C6: variants seen among roughly 807,000 people sequenced by gnomAD.
C6 encodes complement component C6.
C6 carries 101 observed loss-of-function variants against 112.9 expected under a neutral mutation model. That is an observed-to-expected ratio of 0.89 (90% CI 0.76 to 1.06). The LOEUF (loss-of-function observed/expected upper bound fraction) is 1.06, where lower values mean the gene tolerates loss of function less well. C6 is among the 50% of genes least tolerant of loss of function. The probability of loss-of-function intolerance (pLI) is 0.00; values close to 1 mark genes in which losing one functional copy is unlikely to be tolerated. For missense variants in C6, 1,202 were observed against 1,104.6 expected (o/e 1.09, Z -1.25); for synonymous variants, 431 against 384.1 (o/e 1.12, Z -1.43).
At chr5:41,176,774 G>T in intron 7 of C6, 59 bp from the exon 8 acceptor site, 1 of 1,431,466 alleles carries the variant, frequency 7.0e-7, no homozygotes, top group Non-Finnish European at 9.7e-7. Context: ...GAAGTACCTA[G>T]CATTTAAATG....
At position 41,181,493 on chromosome 5, in the gene C6, C is replaced by T. The variant is rs1749344444; in HGVS notation, c.793G>A (p.Glu265Lys). The change falls in exon 7 of 18, where the codon GAA becomes AAA. Residue 265 changes from glutamate to lysine, a missense_variant. Transcript: ENST00000337836. Reference protein sequence around the residue: ...YKDLTSLGHNENQQGSFSSQG... With the variant: ...YKDLTSLGHNKNQQGSFSSQG... ...CTTGAGAATGAGCCTTGTTGATTTT[C>T]ATTGTGTCCAAGAGAAGTTAAATCC... The T allele has an allele frequency of 3.7e-6, 6 of 1,613,720 alleles. No homozygotes were observed. In the East Asian group the frequency reaches 1.3e-4, roughly 36 times the overall value.
chr5:41,254,979 G>A (rs1428395202), intron 1 of C6, among the ~76,000 whole-genome samples: 1 of 152,270 alleles, frequency 6.6e-6, no homozygotes, highest in Non-Finnish European at 1.5e-5. Context: ...ATAATGCATA[G>A]GTGCTCATGT....
chr5:41,211,157 T>A (rs1214936305), intron 1 of C6, among the ~76,000 whole-genome samples: 1 of 152,070 alleles, frequency 6.6e-6, no homozygotes, highest in Non-Finnish European at 1.5e-5. Context: ...AAACACTGAA[T>A]GTTCTCACTT....
chr5:41,193,923 G>A (rs1750413932), intron 5 of C6, among the ~76,000 whole-genome samples: 1 of 151,862 alleles, frequency 6.6e-6, no homozygotes, highest in Non-Finnish European at 1.5e-5. Flanking sequence ...TCTCTGGGGA[G>A]GCAAGGAGAG....
chr5:41,177,410 G>T lies in C6; in HGVS notation c.928-695C>A, dbSNP rs1000717357. On this transcript the variant is annotated intron_variant, in intron 7 of 17. Transcript: ENST00000337836. ...ATGTCAGGTTAATTGAGAATTAGCTGGTCAATATTATGCTTAAAATCTCAT... is the reference window on the plus strand; with the variant it reads ...ATGTCAGGTTAATTGAGAATTAGCTTGTCAATATTATGCTTAAAATCTCAT... Among the ~76,000 whole-genome samples the T allele has an allele frequency of 2.6e-5, 4 of 151,894 alleles. No individual in the cohort carries two copies. The East Asian group carries it at 7.7e-4, about 29-fold the overall frequency.
chr5:41,212,530 A>T (rs1186112904), intron 1 of C6, among the ~76,000 whole-genome samples: 1 of 152,166 alleles, frequency 6.6e-6, no homozygotes, highest in East Asian at 1.9e-4. Context: ...ATATTGTATT[A>T]TATGGTTTCT....
chr5:41,260,588 G>A (rs1249419385), intron 1 of C6, among the ~76,000 whole-genome samples: 2 of 151,728 alleles, frequency 1.3e-5, no homozygotes, highest in Non-Finnish European at 2.9e-5. Flanking sequence ...TGACCAACAC[G>A]GAGAAACCCC....
Position 41,186,426 on chromosome 5 carries a change from T to C in C6, c.588-218A>G, listed in dbSNP as rs1161131903. On this transcript the variant is annotated intron_variant, in intron 5 of 17. Coordinates refer to ENST00000337836, the MANE Select transcript of C6 (RefSeq NM_000065.5). ...CAGCTTCTCTGGCTCTATTAGGTTCTCCTATTCCACTTACTTAATTGTTCT... is the reference window on the plus strand; with the variant it reads ...CAGCTTCTCTGGCTCTATTAGGTTCCCCTATTCCACTTACTTAATTGTTCT... 6 of 560,608 alleles carry C rather than the reference T, an allele frequency of 1.1e-5. No homozygotes were observed. The Admixed American group carries it at 1.8e-4, about 17-fold the overall frequency. The allele number at this position is 560,608 out of a possible 1,614,324, so 34.7% of individuals were successfully genotyped here.
intron 1 of C6, among the ~76,000 whole-genome samples, chr5:41,253,081 AAGGC>A (rs1741464583): frequency 6.6e-6 from 1 of 152,218 alleles, no homozygotes; most frequent in Non-Finnish European, 1.5e-5. Context: ...AGAGGGGAAG[AAGGC>A]ATGGGCTTGA....
chr5:41,142,610 G>C lies in C6; in HGVS notation c.*215C>G, dbSNP rs955513262. 1.1e-4 allele frequency: 63 copies of C among 584,710 alleles called. No homozygotes were observed. The highest frequency in any genetic ancestry group is 1.6e-4 in the Non-Finnish European group (52 of 324,258). The allele number at this position is 584,710 out of a possible 1,614,324, so 36.2% of individuals were successfully genotyped here. A position where few individuals can be genotyped will look rare whatever the true frequency, so the allele number is the denominator to read the frequency against. ...AGACTGCTGTGGAAGTTGGTACCTAGGGGTATGCTACAGGGCGTCATGAGC... is the reference window on the plus strand; with the variant it reads ...AGACTGCTGTGGAAGTTGGTACCTACGGGTATGCTACAGGGCGTCATGAGC... On this transcript the variant is annotated 3_prime_UTR_variant, in exon 18 of 18. Coordinates refer to ENST00000337836, the MANE Select transcript of C6 (RefSeq NM_000065.5).
At position 41,203,156 on chromosome 5, in the gene C6, A is replaced by G. The variant is rs2150369429; in HGVS notation, c.75T>C (p.Asp25=). The G allele has an allele frequency of 6.2e-7, 1 of 1,614,134 alleles. No homozygotes were observed. The highest frequency in any genetic ancestry group is 1.1e-5 in the South Asian group (1 of 91,080). Residue 25 remains aspartate (D), a synonymous_variant, in exon 2 of 18, where the codon GAT becomes GAC. Coordinates refer to ENST00000337836, the MANE Select transcript of C6 (RefSeq NM_000065.5). ...LINKGQACFC[D]HYAWTQWTSC... is the part of the protein sequence containing the mutation. Reference sequence around the variant, plus strand: ...TGGTCCACTGAGTCCATGCATAGTGATCACAGAAGCAGGCTTGGCCCTTGT... The same window carrying G: ...TGGTCCACTGAGTCCATGCATAGTGGTCACAGAAGCAGGCTTGGCCCTTGT...
chr5:41,166,132 A>G (rs544891214), intron 9 of C6, among the ~76,000 whole-genome samples: 6 of 152,116 alleles, frequency 3.9e-5, no homozygotes, highest in Non-Finnish European at 5.9e-5. Context: ...GTTACACTCA[A>G]AGTTTTTCAA....
chr5:41,249,689 A>T (rs1400140322), intron 1 of C6, among the ~76,000 whole-genome samples: 1 of 152,200 alleles, frequency 6.6e-6, no homozygotes, highest in African/African-American at 2.4e-5. Context: ...CTTGCTGATG[A>T]GCTGAAATTC....
chr5:41,222,166 A>G (rs1302212496), intron 1 of C6, among the ~76,000 whole-genome samples: 3 of 118,056 alleles, frequency 2.5e-5, no homozygotes, highest in African/African-American at 1.2e-4. Flanking sequence ...ACTCCATCTC[A>G]AAAAAAAAAA....
At chr5:41,259,138 A>G (rs565088926) in intron 1 of C6, among the ~76,000 whole-genome samples, 5 of 152,334 alleles carry the variant, frequency 3.3e-5, no homozygotes, top group African/African-American at 1.2e-4. Flanking sequence ...AGAATGTAAT[A>G]AATTGGTGTT....
intron 1 of C6, among the ~76,000 whole-genome samples, chr5:41,235,087 T>TC (rs796211682): frequency 6.8e-4 from 103 of 150,898 alleles, no homozygotes; most frequent in African/African-American, 2.4e-3. Context: ...GTTTTTTTTT[T>TC]TATTATACTT....
chr5:41,210,404 A>G (rs1580202129), intron 1 of C6, among the ~76,000 whole-genome samples: 2 of 152,218 alleles, frequency 1.3e-5, no homozygotes, highest in African/African-American at 2.4e-5. Flanking sequence ...GCTCAGCCAA[A>G]GAAACTACCA....
At chr5:41,224,186 G>A (rs1489063580) in intron 1 of C6, among the ~76,000 whole-genome samples, 2 of 152,092 alleles carry the variant, frequency 1.3e-5, no homozygotes, top group African/African-American at 2.4e-5. Context: ...TTTTTGCGGT[G>A]AGAATACTAA....
intron 1 of C6, among the ~76,000 whole-genome samples, chr5:41,206,930 A>T (rs188424335): frequency 0.042 from 6,416 of 152,230 alleles, 197 homozygotes; most frequent in Middle Eastern, 0.13. Context: ...ATTGTCAGAT[A>T]CACCAAAGTT....
Sources: allele counts gnomAD v4.1 joint callset (sites outside exome capture counted in the v4.1 genomes callset), GRCh38; gene constraint gnomAD v4.1.1; transcripts MANE v1.5; gene names NCBI Gene and HGNC (gene_info 2026-07-23, HGNC 2026-07-21).